The following CDH12 variants were observed in gnomAD, a reference collection of about 807,000 sequenced individuals.
The protein encoded by CDH12 is cadherin-12.
CDH12 carries 41 observed loss-of-function variants against 74.1 expected under a neutral mutation model. That is an observed-to-expected ratio of 0.55 (90% CI 0.43 to 0.72). The LOEUF (loss-of-function observed/expected upper bound fraction) is 0.72, where lower values mean the gene tolerates loss of function less well. Among genes scored for constraint, CDH12 ranks in the 30% least tolerant of loss-of-function variants. The probability of loss-of-function intolerance (pLI) is 0.00; values close to 1 mark genes in which losing one functional copy is unlikely to be tolerated. For missense variants in CDH12, 945 were observed against 977.2 expected (o/e 0.97, Z 0.44); for synonymous variants, 399 against 355.0 (o/e 1.12, Z -1.39).
At chr5:21,795,378 C>A (rs1746724775) in intron 10 of CDH12, among the ~76,000 whole-genome samples, 1 of 151,736 alleles carries the variant, frequency 6.6e-6, no homozygotes, top group Non-Finnish European at 1.5e-5. Flanking sequence ...ATGCAGAAAA[C>A]ACAAATGAGT....
chr5:22,665,071 C>T (rs755506373), intron 1 of CDH12, among the ~76,000 whole-genome samples: 1 of 152,128 alleles, frequency 6.6e-6, no homozygotes, highest in Non-Finnish European at 1.5e-5. Flanking sequence ...CCTCCCTCCT[C>T]AGCCTCTTGA....
At chr5:21,829,500 C>A (rs1033786519) in intron 8 of CDH12, among the ~76,000 whole-genome samples, 4 of 152,126 alleles carry the variant, frequency 2.6e-5, no homozygotes, top group Admixed American at 6.5e-5. Flanking sequence ...TATTTGTTAA[C>A]AAAATATATT....
At chr5:22,076,464 T>C (rs938886536) in intron 5 of CDH12, among the ~76,000 whole-genome samples, 3 of 152,118 alleles carry the variant, frequency 2.0e-5, no homozygotes, top group Admixed American at 6.6e-5. Flanking sequence ...TCTTCTCTAA[T>C]CAAAAACAGA....
At chr5:22,283,949 A>G (rs1011233311) in intron 3 of CDH12, among the ~76,000 whole-genome samples, 2 of 152,186 alleles carry the variant, frequency 1.3e-5, no homozygotes, top group African/African-American at 4.8e-5. Context: ...CACATAAATC[A>G]TAATCAGGTT....
intron 1 of CDH12, among the ~76,000 whole-genome samples, chr5:22,709,434 T>C (rs930045484): frequency 5.3e-5 from 8 of 152,208 alleles, no homozygotes; most frequent in Non-Finnish European, 7.3e-5. Flanking sequence ...ACAACTCATC[T>C]GTCAGCAATT....
chr5:22,329,408 A>C lies in CDH12; in HGVS notation c.-333+75849T>G, dbSNP rs544546912. On this transcript the variant is annotated intron_variant, in intron 3 of 14. Transcript: ENST00000382254. ...TCAATCTCCGACCACCCTGAGTGCC[A>C]CTGTTTGTTTCTAACCACTAGAATA... Among the ~76,000 whole-genome samples, 3 of 152,312 alleles carry C rather than the reference A, an allele frequency of 2.0e-5. No homozygotes were observed. In the South Asian group the frequency reaches 6.2e-4, roughly 32 times the overall value.
At chr5:22,333,410 T>C (rs1739430305) in intron 3 of CDH12, among the ~76,000 whole-genome samples, 1 of 152,014 alleles carries the variant, frequency 6.6e-6, no homozygotes, top group Admixed American at 6.6e-5. Context: ...TGCAGCAAAC[T>C]ATCATGACAC....
intron 5 of CDH12, among the ~76,000 whole-genome samples, chr5:21,986,481 G>T (rs989325251): frequency 6.6e-6 from 1 of 152,120 alleles, no homozygotes; most frequent in Non-Finnish European, 1.5e-5. Context: ...GAGGTCACTG[G>T]CTTGGACCCA....
At chr5:22,576,778 A>C (rs1419019353) in intron 1 of CDH12, among the ~76,000 whole-genome samples, 15 of 152,100 alleles carry the variant, frequency 9.9e-5, no homozygotes, top group Non-Finnish European at 2.2e-4. Context: ...ACTGAGAGAG[A>C]GAGAGAGATA....
intron 3 of CDH12, among the ~76,000 whole-genome samples, chr5:22,347,074 T>C (rs1229083985): frequency 6.6e-6 from 1 of 152,240 alleles, no homozygotes; most frequent in Non-Finnish European, 1.5e-5. Context: ...AAAGTGATTG[T>C]TGCTATATAA....
intron 4 of CDH12, among the ~76,000 whole-genome samples, chr5:22,124,195 C>T (rs181438598): frequency 1.5e-3 from 222 of 151,858 alleles, no homozygotes; most frequent in Non-Finnish European, 2.2e-3. Context: ...CTCGCTTCGT[C>T]GCCAGGCTGC....
chr5:21,894,382 GAAAAAAAAAA>G (rs376989106), intron 6 of CDH12, among the ~76,000 whole-genome samples: 3 of 73,430 alleles, frequency 4.1e-5, no homozygotes, highest in East Asian at 9.1e-4. Context: ...CCGTCTCAAA[GAAAAAAAAAA>G]AAAAAAAAAA....
At chr5:22,059,273 A>T (rs536880404) in intron 5 of CDH12, among the ~76,000 whole-genome samples, 65 of 151,598 alleles carry the variant, frequency 4.3e-4, no homozygotes, top group African/African-American at 1.6e-3. Flanking sequence ...CTATCTATCT[A>T]TCTATCTATC....
At chr5:22,487,289 A>G (rs930750695) in intron 2 of CDH12, among the ~76,000 whole-genome samples, 1 of 152,204 alleles carries the variant, frequency 6.6e-6, no homozygotes, top group Non-Finnish European at 1.5e-5. Context: ...GGCATGAGCC[A>G]CTGTACCTGG....
At position 22,834,006 on chromosome 5, in the gene CDH12, C is replaced by T. The variant is rs149785061; in HGVS notation, c.-523+19052G>A. On this transcript the variant is annotated intron_variant, in intron 1 of 14. Coordinates refer to ENST00000382254, the MANE Select transcript of CDH12 (RefSeq NM_004061.5). ...CATTAACTCTGCCCTCACCATTTCC[C>T]CATGAGATAGACTAGACAGCATGAC... Among the ~76,000 whole-genome samples the T allele has an allele frequency of 3.7e-3, 557 of 152,228 alleles. 1 individual carries two copies. The highest frequency in any genetic ancestry group is 6.8e-3 in the Middle Eastern group (2 of 294).
At chr5:22,170,567 C>T (rs138004802) in intron 4 of CDH12, among the ~76,000 whole-genome samples, 5 of 149,970 alleles carry the variant, frequency 3.3e-5, no homozygotes, top group Admixed American at 6.7e-5. Flanking sequence ...TTATATATAA[C>T]TTATATATAA....
chr5:22,594,470 C>T (rs1301055413), intron 1 of CDH12, among the ~76,000 whole-genome samples: 2 of 152,106 alleles, frequency 1.3e-5, no homozygotes, highest in African/African-American at 4.8e-5. Context: ...GTAGCAAACG[C>T]CCTACACCGA....
intron 1 of CDH12, among the ~76,000 whole-genome samples, chr5:22,710,549 C>A (rs1743234043): frequency 6.6e-6 from 1 of 151,996 alleles, no homozygotes; most frequent in African/African-American, 2.4e-5. Context: ...TTTATCTCAG[C>A]CTCCTGAGGG....
chr5:21,847,943 C>T (rs1270340774), intron 7 of CDH12, among the ~76,000 whole-genome samples: 3 of 152,200 alleles, frequency 2.0e-5, no homozygotes, highest in South Asian at 4.1e-4. Context: ...TCTTTACTTT[C>T]TTCTTCCCTG....
Sources: gnomAD v4.1 joint callset for allele counts (sites outside exome capture counted in the v4.1 genomes callset) on GRCh38, gnomAD v4.1.1 for gene constraint, MANE v1.5 for transcripts, NCBI Gene and HGNC (gene_info 2026-07-23, HGNC 2026-07-21) for gene names.